The following FRMD4B variants were observed in gnomAD, a reference collection of about 807,000 sequenced individuals.
FRMD4B encodes the protein FERM domain containing 4B, also known as FERM domain-containing protein 4B.
Under a neutral mutation model 141.5 loss-of-function variants are expected in FRMD4B, and 74 were observed. That is an observed-to-expected ratio of 0.52 (90% CI 0.43 to 0.63). The LOEUF (loss-of-function observed/expected upper bound fraction) is 0.63, where lower values mean the gene tolerates loss of function less well. FRMD4B is among the 30% of genes least tolerant of loss of function. FRMD4B has a pLI of 0.00. For synonymous variants in FRMD4B, 506 were observed against 467.9 expected, an observed-to-expected ratio of 1.08 and a Z score of -1.05; for missense variants, 1,366 against 1,253.4, an observed-to-expected ratio of 1.09 and a Z score of -1.36.
chr3:69,290,386 G>A (rs1160414185), intron 4 of FRMD4B, among the ~76,000 whole-genome samples: 4 of 152,188 alleles, frequency 2.6e-5, no homozygotes, highest in Admixed American at 2.0e-4. Context: ...CACAGCAGGA[G>A]TTGATGGACT....
At chr3:69,377,692 C>A (rs1331808619) in intron 1 of FRMD4B, among the ~76,000 whole-genome samples, 1 of 152,136 alleles carries the variant, frequency 6.6e-6, no homozygotes, top group African/African-American at 2.4e-5. Context: ...AGAAGACCTA[C>A]CCCTCTCGTA....
chr3:69,263,560 C>T (rs148299488), intron 5 of FRMD4B, among the ~76,000 whole-genome samples: 1 of 151,720 alleles, frequency 6.6e-6, no homozygotes, highest in African/African-American at 2.4e-5. Context: ...GTGTGTGCCA[C>T]CATGCCTGGC....
chr3:69,491,668 C>A (rs977512506), intron 1 of FRMD4B, among the ~76,000 whole-genome samples: 10 of 152,252 alleles, frequency 6.6e-5, no homozygotes, highest in African/African-American at 2.2e-4. Flanking sequence ...TTAACCTAAG[C>A]ACCACACAGT....
intron 19 of FRMD4B, among the ~76,000 whole-genome samples, chr3:69,183,510 T>G (rs563259372): frequency 1.4e-3 from 193 of 136,192 alleles, no homozygotes; most frequent in African/African-American, 5.0e-3. Flanking sequence ...TGAGACTGAG[T>G]CTTGCTCTGT....
At chr3:69,406,553 T>TGA (rs147847974) in intron 2 of FRMD4B, among the ~76,000 whole-genome samples, 4,761 of 152,298 alleles carry the variant, frequency 0.031, 266 homozygotes, top group African/African-American at 0.11. Context: ...GGGAAACAAG[T>TGA]GAGAAACTGC....
chr3:69,267,557 T>C (rs1451344441), intron 5 of FRMD4B, among the ~76,000 whole-genome samples: 13 of 147,512 alleles, frequency 8.8e-5, no homozygotes, highest in African/African-American at 3.3e-4. Flanking sequence ...ACATAGAAAA[T>C]ATTTAGTACA....
chr3:69,431,882 TATTTTAC>T (rs1051677043), intron 2 of FRMD4B, among the ~76,000 whole-genome samples: 2 of 152,242 alleles, frequency 1.3e-5, no homozygotes, highest in Non-Finnish European at 2.9e-5. Context: ...TAGTTGTGCA[TATTTTAC>T]ATCAATGTCC....
At chr3:69,400,315 C>T (rs942967237) in intron 2 of FRMD4B, among the ~76,000 whole-genome samples, 3 of 151,578 alleles carry the variant, frequency 2.0e-5, no homozygotes, top group Non-Finnish European at 2.9e-5. Context: ...TTTGAAGATG[C>T]GGTGAGCTAT....
intron 7 of FRMD4B, among the ~76,000 whole-genome samples, chr3:69,226,211 C>A (rs1052466291): frequency 6.6e-6 from 1 of 152,102 alleles, no homozygotes; most frequent in African/African-American, 2.4e-5. Flanking sequence ...TCACTTGGCT[C>A]CTGTTCTTAC....
chr3:69,253,313 C>T (rs368049691), intron 5 of FRMD4B, among the ~76,000 whole-genome samples: 2 of 151,140 alleles, frequency 1.3e-5, no homozygotes, highest in African/African-American at 4.9e-5. Flanking sequence ...CTCTACCATG[C>T]ACTAGTTAAC....
chr3:69,249,952 C>T, intron 6 of FRMD4B, 91 bp downstream of exon 6: 1 of 830,506 alleles, frequency 1.2e-6, no homozygotes, highest in Non-Finnish European at 2.1e-6. Flanking sequence ...CCAACAAACA[C>T]TGGCCCATGC....
At chr3:69,494,849 G>A (rs1352038338) in intron 1 of FRMD4B, among the ~76,000 whole-genome samples, 2 of 151,554 alleles carry the variant, frequency 1.3e-5, no homozygotes, top group Non-Finnish European at 2.9e-5. Flanking sequence ...CCAAGATCAC[G>A]CCACTGCACT....
At chr3:69,493,337 G>A (rs370271986) in intron 1 of FRMD4B, among the ~76,000 whole-genome samples, 11 of 152,286 alleles carry the variant, frequency 7.2e-5, no homozygotes, top group African/African-American at 1.7e-4. Context: ...GGCAGATAAC[G>A]TAAGTGTATA....
At chr3:69,403,720 T>G (rs1445043521) in intron 2 of FRMD4B, among the ~76,000 whole-genome samples, 1 of 152,124 alleles carries the variant, frequency 6.6e-6, no homozygotes, top group Non-Finnish European at 1.5e-5. Context: ...CATTTGAACC[T>G]TACAAGTTCA....
chr3:69,448,054 G>A (rs903290889), intron 1 of FRMD4B, among the ~76,000 whole-genome samples: 45 of 148,074 alleles, frequency 3.0e-4, no homozygotes, highest in African/African-American at 1.1e-3. Context: ...TTTTCAGACA[G>A]AGTCTCACTC....
At chr3:69,409,925 A>G (rs1223857477) in intron 2 of FRMD4B, among the ~76,000 whole-genome samples, 4 of 152,134 alleles carry the variant, frequency 2.6e-5, no homozygotes, top group African/African-American at 9.7e-5. Context: ...TCTCAGTTAC[A>G]TGAGCCAATA....
chr3:69,344,666 T>C (rs1043129908), intron 1 of FRMD4B, among the ~76,000 whole-genome samples: 3 of 152,228 alleles, frequency 2.0e-5, no homozygotes, highest in African/African-American at 7.2e-5. Context: ...CATACTGTTG[T>C]ATAGGATAAA....
At chr3:69,326,032 T>C (rs1702178813) in intron 1 of FRMD4B, among the ~76,000 whole-genome samples, 1 of 152,104 alleles carries the variant, frequency 6.6e-6, no homozygotes, top group Non-Finnish European at 1.5e-5. Context: ...CACTGTAGCT[T>C]CAGCCTCCTG....
At chr3:69,337,830 G>A (rs1702606235) in intron 1 of FRMD4B, among the ~76,000 whole-genome samples, 1 of 152,192 alleles carries the variant, frequency 6.6e-6, no homozygotes, top group Non-Finnish European at 1.5e-5. Flanking sequence ...AGGATGTGGA[G>A]AAATAGGAAC....
Sources: gnomAD v4.1 joint callset for allele counts (sites outside exome capture counted in the v4.1 genomes callset) on GRCh38, gnomAD v4.1.1 for gene constraint, MANE v1.5 for transcripts, NCBI Gene and HGNC (gene_info 2026-07-23, HGNC 2026-07-21) for gene names.